The following EFL1 variants were observed in gnomAD, a reference collection of about 807,000 sequenced individuals.
EFL1 encodes elongation factor-like GTPase 1.
In EFL1, 76 loss-of-function variants were observed where a neutral mutation model predicts 126.7. That is an observed-to-expected ratio of 0.60 (90% CI 0.50 to 0.73). EFL1 has a LOEUF of 0.73. Among genes scored for constraint, EFL1 ranks in the 30% least tolerant of loss-of-function variants. The pLI, the probability that EFL1 is intolerant of heterozygous loss-of-function variation, is 0.00. For missense variants in EFL1, 1,128 were observed against 1,343.2 expected (o/e 0.84, Z 2.50); for synonymous variants, 410 against 448.4 (o/e 0.91, Z 1.08).
At chr15:82,208,737 G>T (rs2074552205) in intron 15 of EFL1, among the ~76,000 whole-genome samples, 1 of 151,788 alleles carries the variant, frequency 6.6e-6, no homozygotes, top group Non-Finnish European at 1.5e-5. Flanking sequence ...CTATAACTTT[G>T]TCTTCAGATG....
chr15:82,132,218 T>C (rs76901958), intron 19 of EFL1, among the ~76,000 whole-genome samples: 10,595 of 152,220 alleles, frequency 0.07, 575 homozygotes, highest in African/African-American at 0.15. Flanking sequence ...CAGCTGCCTG[T>C]GTCCTGGTGC....
intron 18 of EFL1, 147 bp from the exon 19 acceptor site, chr15:82,138,989 T>C (rs1411963708): frequency 3.8e-6 from 3 of 787,970 alleles, no homozygotes; most frequent in Non-Finnish European, 5.4e-6. Context: ...AGGAACACTT[T>C]TTAAGTGTTT....
chr15:82,228,930 T>C, intron 9 of EFL1, 104 bp downstream of exon 9: 1 of 982,724 alleles, frequency 1.0e-6, no homozygotes, highest in Non-Finnish European at 1.5e-6. Flanking sequence ...CTCTGTTCAT[T>C]TTCTCAGAAA....
chr15:82,194,780 T>C (rs1203795931), intron 15 of EFL1, among the ~76,000 whole-genome samples: 1 of 152,202 alleles, frequency 6.6e-6, no homozygotes, highest in Non-Finnish European at 1.5e-5. Flanking sequence ...CTCAAAAAGA[T>C]AGATGAAGTT....
At chr15:82,190,226 C>T (rs192097038) in intron 15 of EFL1, among the ~76,000 whole-genome samples, 2 of 152,182 alleles carry the variant, frequency 1.3e-5, no homozygotes, top group Admixed American at 1.3e-4. Flanking sequence ...TTCCTCACTG[C>T]GTTGTTTTAA....
chr15:82,139,301 T>G (rs568973020), intron 18 of EFL1, among the ~76,000 whole-genome samples: 2 of 152,372 alleles, frequency 1.3e-5, no homozygotes, highest in South Asian at 4.1e-4. Flanking sequence ...CTGGCATTTT[T>G]ATACCAAAAA....
intron 19 of EFL1, among the ~76,000 whole-genome samples, chr15:82,137,532 G>T (rs2073734962): frequency 6.6e-6 from 1 of 152,202 alleles, no homozygotes; most frequent in Admixed American, 6.5e-5. Context: ...AACTAGGTTA[G>T]ATATTTGACC....
At chr15:82,145,118 A>G (rs559676364) in intron 18 of EFL1, among the ~76,000 whole-genome samples, 36 of 152,020 alleles carry the variant, frequency 2.4e-4, no homozygotes, top group African/African-American at 8.0e-4. Flanking sequence ...AGCCTGACCA[A>G]CATGGAGAAA....
chr15:82,221,620 A>G (rs533253287), intron 12 of EFL1, among the ~76,000 whole-genome samples: 1 of 152,232 alleles, frequency 6.6e-6, no homozygotes, highest in African/African-American at 2.4e-5. Context: ...CCTTCCACTC[A>G]CACCCACTCT....
At position 82,252,718 on chromosome 15, in the gene EFL1, T is replaced by G; in HGVS notation, c.217A>C (p.Ser73Arg). 1 of 1,613,450 alleles carries G rather than the reference T, an allele frequency of 6.2e-7. No individual in the cohort carries two copies. The change falls in exon 4 of 20, where the codon AGT (serine) becomes CGT (arginine). Residue 73 changes from serine to arginine, a missense_variant. This residue lies in a region of EFL1 where 118 missense variants were observed against 188.1 expected (regional missense o/e 0.63). Transcript: ENST00000268206. ...GTTGCATAATGTAGGGAAATGGCAC[T>G]GGATTTCATAGTGATCCCTCGGATC... ...EQIRGITMKS[S>R]AISLHYATGN...
chr15:82,227,333 T>C (rs2074774380), intron 11 of EFL1, 117 bp downstream of exon 11: 7 of 1,470,094 alleles, frequency 4.8e-6, no homozygotes, highest in Middle Eastern at 2.3e-4. Flanking sequence ...TCTGTGGAAG[T>C]GGACATTTGG....
chr15:82,175,521 C>G (rs1043228335), intron 15 of EFL1, among the ~76,000 whole-genome samples: 8 of 152,082 alleles, frequency 5.3e-5, no homozygotes, highest in African/African-American at 1.9e-4. Flanking sequence ...GGTATTAATA[C>G]CATTTTCAAT....
chr15:82,216,454 C>A (rs981629931), intron 14 of EFL1, among the ~76,000 whole-genome samples: 1 of 152,092 alleles, frequency 6.6e-6, no homozygotes, highest in African/African-American at 2.4e-5. Flanking sequence ...GGGATTTGGT[C>A]TTTTTGATGT....
At position 82,186,070 on chromosome 15, in the gene EFL1, CT is replaced by C. The variant is rs983838622; in HGVS notation, c.1751-22087del. ...TTGCTTTTTTCTTTACTAGTATCTTCTTTTTTTTTGTAAGGGGGGACTTGTC... is the reference window on the plus strand; with the variant it reads ...TTGCTTTTTTCTTTACTAGTATCTTCTTTTTTTTGTAAGGGGGGACTTGTC... On this transcript the variant is annotated intron_variant, in intron 15 of 19. Coordinates refer to ENST00000268206, the MANE Select transcript of EFL1 (RefSeq NM_024580.6). Among the ~76,000 whole-genome samples the C allele has an allele frequency of 1.2e-4, 18 of 150,900 alleles. No homozygotes were observed. In the East Asian group the frequency reaches 1.7e-3, roughly 15 times the overall value.
At chr15:82,217,929 A>G (rs553868703) in intron 14 of EFL1, among the ~76,000 whole-genome samples, 1 of 152,290 alleles carries the variant, frequency 6.6e-6, no homozygotes, top group South Asian at 2.1e-4. Context: ...ATGACAAGAA[A>G]CTGTAGGTGG....
At chr15:82,211,404 T>C (rs1226524197) in intron 15 of EFL1, among the ~76,000 whole-genome samples, 1 of 151,726 alleles carries the variant, frequency 6.6e-6, no homozygotes, top group African/African-American at 2.4e-5. Context: ...CACATGCCTG[T>C]AGTCTCAGCT....
intron 15 of EFL1, among the ~76,000 whole-genome samples, chr15:82,165,790 G>GT (rs2141244796): frequency 6.6e-6 from 1 of 152,224 alleles, no homozygotes; most frequent in East Asian, 1.9e-4. Flanking sequence ...CTCACATTAG[G>GT]TATCATTAGC....
Position 82,163,953 on chromosome 15 carries a change from T to C in EFL1, c.1782A>G (p.Lys594=). 2 of 1,614,052 alleles carry C rather than the reference T, an allele frequency of 1.2e-6. No individual in the cohort carries two copies. Among genetic ancestry groups the C allele is most frequent in the Non-Finnish European group, 1.7e-6 (2 of 1,179,970 alleles). The part of the protein sequence containing the change: ...GIGGLQDFVL[K]SATLCSLPSC... ...ATGGCAGGCTACACAGTGTTGCAGATTTCAGCACAAAATCTTGAAGGCCTC... is the reference window on the plus strand; with the variant it reads ...ATGGCAGGCTACACAGTGTTGCAGACTTCAGCACAAAATCTTGAAGGCCTC... Residue 594 remains lysine, a synonymous_variant, in exon 16 of 20, where the codon AAA becomes AAG. Transcript: ENST00000268206.
intron 15 of EFL1, among the ~76,000 whole-genome samples, chr15:82,194,462 C>T (rs1459127670): frequency 6.6e-6 from 1 of 152,054 alleles, no homozygotes; most frequent in Non-Finnish European, 1.5e-5. Context: ...CTGAAAAACA[C>T]AAAAAGCAGC....
Sources: gnomAD v4.1 joint callset for allele counts (sites outside exome capture counted in the v4.1 genomes callset) on GRCh38, gnomAD v4.1.1 for gene constraint, gnomAD v4.1.1 regional missense constraint, MANE v1.5 for transcripts, NCBI Gene and HGNC (gene_info 2026-07-23, HGNC 2026-07-21) for gene names.